The following FHIT variants were observed in gnomAD, a reference collection of about 807,000 sequenced individuals.
FHIT encodes the protein bis(5'-adenosyl)-triphosphatase.
Under a neutral mutation model 17.9 loss-of-function variants are expected in FHIT, and 19 were observed. The ratio of observed to expected loss-of-function variants is 1.06; its 90% confidence interval spans 0.74 to 1.56. FHIT has a LOEUF of 1.56. FHIT is among the 40% of genes most tolerant of loss of function. The pLI, the probability that FHIT is intolerant of heterozygous loss-of-function variation, is 0.00. For missense variants in FHIT, 248 were observed against 189.2 expected (o/e 1.31, Z -1.82); for synonymous variants, 81 against 69.7 (o/e 1.16, Z -0.81).
intron 3 of FHIT, among the ~76,000 whole-genome samples, chr3:60,898,580 A>T (rs2107211603): frequency 6.6e-6 from 1 of 152,364 alleles, no homozygotes; most frequent in Middle Eastern, 3.4e-3. Flanking sequence ...CAGATAAGCA[A>T]ATTTAGAACA....
At chr3:60,496,075 T>C (rs2034288819) in intron 5 of FHIT, among the ~76,000 whole-genome samples, 1 of 152,040 alleles carries the variant, frequency 6.6e-6, no homozygotes. Flanking sequence ...TGTTATGATA[T>C]TAACACTGGG....
chr3:59,771,763 A>G (rs2106834340), intron 8 of FHIT, among the ~76,000 whole-genome samples: 2 of 152,282 alleles, frequency 1.3e-5, no homozygotes, highest in East Asian at 3.9e-4. Context: ...TTCTCGTCAT[A>G]AAAAAATTTC....
At chr3:60,750,913 C>A (rs2042453044) in intron 4 of FHIT, among the ~76,000 whole-genome samples, 1 of 152,198 alleles carries the variant, frequency 6.6e-6, no homozygotes, top group African/African-American at 2.4e-5. Context: ...GATAATCCCA[C>A]CCCTCTTAAT....
At chr3:60,904,812 C>T (rs1485408034) in intron 3 of FHIT, among the ~76,000 whole-genome samples, 6 of 151,676 alleles carry the variant, frequency 4.0e-5, no homozygotes, top group South Asian at 2.1e-4. Flanking sequence ...CGGTGGCAGG[C>T]GCCTGTAATC....
At chr3:60,362,217 A>G (rs1395250087) in intron 5 of FHIT, among the ~76,000 whole-genome samples, 1 of 152,202 alleles carries the variant, frequency 6.6e-6, no homozygotes, top group Admixed American at 6.5e-5. Flanking sequence ...AAGAGCAGCT[A>G]AAGTCTACTT....
At chr3:60,243,027 A>G (rs1705213502) in intron 5 of FHIT, among the ~76,000 whole-genome samples, 1 of 151,448 alleles carries the variant, frequency 6.6e-6, no homozygotes, top group Admixed American at 6.6e-5. Context: ...CAGCGTTCTC[A>G]TTTTATCAGT....
rs539804417 is a variant in FHIT at position 61,103,702 on chromosome 3, G to A, written c.-163-61603C>T. On this transcript the variant is annotated intron_variant, in intron 2 of 9. Transcript: ENST00000492590. Reference sequence around the variant, plus strand: ...GTGTGGGAGTCTATGTCTCTTTGTAGGTCTCTGAGGACTTGCTTTATGAAT... The same window carrying A: ...GTGTGGGAGTCTATGTCTCTTTGTAAGTCTCTGAGGACTTGCTTTATGAAT... Among the ~76,000 whole-genome samples, 75 of 152,024 alleles carry A rather than the reference G, an allele frequency of 4.9e-4. 1 individual carries two copies. Among genetic ancestry groups the A allele is most frequent in the Non-Finnish European group, 4.4e-4 (30 of 67,992 alleles).
chr3:60,008,900 A>G (rs1270862741), intron 7 of FHIT, among the ~76,000 whole-genome samples: 1 of 152,204 alleles, frequency 6.6e-6, no homozygotes, highest in Non-Finnish European at 1.5e-5. Flanking sequence ...TTTTATCATC[A>G]TACAATACTG....
At chr3:60,077,739 G>GACA (rs56848166) in intron 5 of FHIT, among the ~76,000 whole-genome samples, 793 of 68,378 alleles carry the variant, frequency 0.012, 13 homozygotes, top group African/African-American at 0.033. Context: ...CATATATAGA[G>GACA]GGGGGGGGGA....
At chr3:60,931,888 C>G (rs1707974066) in intron 3 of FHIT, among the ~76,000 whole-genome samples, 1 of 152,188 alleles carries the variant, frequency 6.6e-6, no homozygotes, top group Non-Finnish European at 1.5e-5. Flanking sequence ...GAGCCAACAG[C>G]ATGTGTCCTA....
intron 8 of FHIT, among the ~76,000 whole-genome samples, chr3:59,853,949 TC>T (rs1702045933): frequency 6.6e-6 from 1 of 152,040 alleles, no homozygotes; most frequent in African/African-American, 2.4e-5. Flanking sequence ...ACAATTAGAA[TC>T]CCACCAATAG....
intron 5 of FHIT, among the ~76,000 whole-genome samples, chr3:60,041,152 A>C (rs998705934): frequency 1.3e-5 from 2 of 152,178 alleles, no homozygotes; most frequent in Non-Finnish European, 2.9e-5. Context: ...TCCAACCCTG[A>C]AGCCATCCTA....
intron 3 of FHIT, among the ~76,000 whole-genome samples, chr3:60,897,576 T>C (rs1383049796): frequency 5.9e-5 from 9 of 152,228 alleles, no homozygotes; most frequent in African/African-American, 2.2e-4. Context: ...CAATTTCTTA[T>C]ACTGGCTAAT....
At chr3:60,506,420 G>A (rs1353506908) in intron 5 of FHIT, among the ~76,000 whole-genome samples, 1 of 152,168 alleles carries the variant, frequency 6.6e-6, no homozygotes, top group Non-Finnish European at 1.5e-5. Context: ...CAAATCCACG[G>A]TTTTAGAGTC....
At chr3:61,026,225 T>C (rs776405170) in intron 3 of FHIT, among the ~76,000 whole-genome samples, 4 of 152,086 alleles carry the variant, frequency 2.6e-5, no homozygotes, top group Admixed American at 6.6e-5. Flanking sequence ...GGAGTCAGCT[T>C]TGTACTCTCT....
intron 5 of FHIT, among the ~76,000 whole-genome samples, chr3:60,016,621 A>G (rs1301211258): frequency 6.6e-6 from 1 of 152,232 alleles, no homozygotes; most frequent in Non-Finnish European, 1.5e-5. Flanking sequence ...AGATCATTAC[A>G]ACACAGAGAG....
intron 5 of FHIT, among the ~76,000 whole-genome samples, chr3:60,253,875 T>C (rs71313761): frequency 0.056 from 8,473 of 152,282 alleles, 335 homozygotes; most frequent in South Asian, 0.087. Context: ...TTAAATATAT[T>C]TGATTGTTAT....
At chr3:61,116,450 A>G (rs2036300920) in intron 2 of FHIT, among the ~76,000 whole-genome samples, 3 of 152,202 alleles carry the variant, frequency 2.0e-5, no homozygotes, top group African/African-American at 7.2e-5. Flanking sequence ...GAGAACCATG[A>G]AATTAATCAG....
intron 8 of FHIT, among the ~76,000 whole-genome samples, chr3:59,848,305 T>G (rs1275482854): frequency 1.3e-5 from 2 of 152,182 alleles, no homozygotes; most frequent in African/African-American, 4.8e-5. Flanking sequence ...CCAAAATAGC[T>G]ACAACAGACA....
Sources: allele counts gnomAD v4.1 joint callset (sites outside exome capture counted in the v4.1 genomes callset), GRCh38; gene constraint gnomAD v4.1.1; transcripts MANE v1.5; gene names NCBI Gene and HGNC (gene_info 2026-07-23, HGNC 2026-07-21).